The following PRKCI variants were observed in gnomAD, a reference collection of about 807,000 sequenced individuals.
PRKCI encodes protein kinase C iota, also known as protein kinase C iota type.
Under a neutral mutation model 84.0 loss-of-function variants are expected in PRKCI, and 43 were observed. That is an observed-to-expected ratio of 0.51 (90% CI 0.40 to 0.66). The LOEUF (loss-of-function observed/expected upper bound fraction) is 0.66. Ranked by LOEUF, PRKCI falls within the 30% of genes least tolerant of loss-of-function variation. PRKCI has a pLI of 0.00. For missense variants in PRKCI, 459 were observed against 745.6 expected (o/e 0.62, Z 4.48); for synonymous variants, 216 against 234.4 (o/e 0.92, Z 0.72).
chr3:170,288,507 G>A (rs1734458703), intron 12 of PRKCI, among the ~76,000 whole-genome samples: 1 of 152,170 alleles, frequency 6.6e-6, no homozygotes, highest in Non-Finnish European at 1.5e-5. Context: ...CCAGCACTTT[G>A]GGAGGCCAAG....
chr3:170,259,941 A>G, intron 2 of PRKCI, 28 bp from the exon 3 acceptor site: 1 of 1,455,404 alleles, frequency 6.9e-7, no homozygotes, highest in Non-Finnish European at 9.5e-7. Flanking sequence ...TTTTAAAGTG[A>G]CCTTTACTTT....
intron 12 of PRKCI, among the ~76,000 whole-genome samples, chr3:170,289,521 C>G (rs55959235): frequency 1.3e-5 from 2 of 152,086 alleles, no homozygotes; most frequent in Admixed American, 1.3e-4. Flanking sequence ...CGCCTGTAAT[C>G]GCAGCACTTT....
In PRKCI at chr3:170,222,543, G is replaced by GAGGTGGGCAGGT; in HGVS notation, c.-118_-107dup. The GAGGTGGGCAGGT allele has an allele frequency of 6.4e-6, 5 of 781,142 alleles. No individual in the cohort carries two copies. The highest frequency in any genetic ancestry group is 9.5e-6 in the Non-Finnish European group (5 of 527,792). The allele number at this position is 781,142 out of a possible 1,614,324, so 48.4% of individuals were successfully genotyped here. On this transcript the variant is annotated 5_prime_UTR_variant, in exon 1 of 18. Transcript: ENST00000295797. ...CGACCCTTGGGTCGGCGCTGCGGGC[G>GAGGTGGGCAGGT]AGGTGGGCAGGTAGGTGGGCGGACG... is the stretch of plus-strand genomic sequence containing the variant.
Position 170,268,122 on chromosome 3 carries a change from CCTTA to C in PRKCI, c.450+124_450+127del, listed in dbSNP as rs1166977477. ...ACTTTTAAATACATAAGTAGCATGACCTTACATTTCCAGTTTGCCTGAGGCAGTA... is the reference window on the plus strand; with the variant it reads ...ACTTTTAAATACATAAGTAGCATGACCATTTCCAGTTTGCCTGAGGCAGTA... On this transcript the variant is annotated intron_variant, in intron 5 of 17. Transcript: ENST00000295797. 15 of 707,074 alleles carry C rather than the reference CCTTA, an allele frequency of 2.1e-5. No individual in the cohort carries two copies. In the African/African-American group the frequency reaches 2.7e-4, roughly 13 times the overall value. 43.8% of individuals were successfully genotyped at this position (707,074 alleles called of 1,614,324 possible).
Position 170,260,059 on chromosome 3 carries a change from G to C in PRKCI, c.313+1G>C. ...AAGGATTCTGAACTCTTGATTCATG[G>C]TAAGAGAGTAGTCATTTCATACTCG... On this transcript the variant is annotated splice_donor_variant, in intron 3 of 17. Coordinates refer to ENST00000295797, the MANE Select transcript of PRKCI (RefSeq NM_002740.6). LOFTEE classifies it high-confidence loss of function. 6.3e-7 allele frequency: 1 copy of C among 1,586,060 alleles called. No homozygotes were observed. Among genetic ancestry groups the C allele is most frequent in the Non-Finnish European group, 8.6e-7 (1 of 1,158,072 alleles).
chr3:170,281,683 G>A (rs1397198718), intron 10 of PRKCI, 199 bp from the exon 11 acceptor site: 2 of 573,756 alleles, frequency 3.5e-6, no homozygotes, highest in East Asian at 3.3e-5. Flanking sequence ...AGAAGTAGTA[G>A]GTTACAAAAT....
At chr3:170,236,205 A>G (rs1732972115) in intron 2 of PRKCI, among the ~76,000 whole-genome samples, 1 of 151,278 alleles carries the variant, frequency 6.6e-6, no homozygotes, top group African/African-American at 2.4e-5. Flanking sequence ...AGGTTCAAGC[A>G]ATTCTTGTGC....
intron 3 of PRKCI, among the ~76,000 whole-genome samples, chr3:170,260,442 A>G (rs541981850): frequency 1.3e-5 from 2 of 152,264 alleles, no homozygotes; most frequent in South Asian, 4.1e-4. Context: ...TTTTGCTTAA[A>G]GGTTAATAGT....
chr3:170,235,167 G>A, intron 1 of PRKCI, 63 bp from the exon 2 acceptor site: 1 of 1,519,276 alleles, frequency 6.6e-7, no homozygotes, highest in Non-Finnish European at 9.0e-7. Flanking sequence ...CAAGCATTCA[G>A]TAATATATAC....
intron 2 of PRKCI, among the ~76,000 whole-genome samples, chr3:170,238,009 G>A (rs1188916125): frequency 1.3e-5 from 2 of 152,100 alleles, no homozygotes; most frequent in Non-Finnish European, 2.9e-5. Context: ...TGCAGACCTG[G>A]TGGGCATGGG....
intron 12 of PRKCI, among the ~76,000 whole-genome samples, chr3:170,286,577 T>C (rs1353604074): frequency 6.7e-6 from 1 of 149,164 alleles, no homozygotes; most frequent in African/African-American, 2.5e-5. Context: ...TGGGCATATG[T>C]CACTGGTGTG....
chr3:170,295,772 G>T, intron 14 of PRKCI, 139 bp from the exon 15 acceptor site: 1 of 402,264 alleles, frequency 2.5e-6, no homozygotes, highest in Non-Finnish European at 4.5e-6. Context: ...TTAAGCCCGG[G>T]AGGTCAAAGC....
chr3:170,235,412 T>C, intron 2 of PRKCI, 61 bp downstream of exon 2: 1 of 1,568,544 alleles, frequency 6.4e-7, no homozygotes, highest in East Asian at 2.3e-5. Context: ...TATCATTTGT[T>C]GTAAAAATAT....
At chr3:170,258,109 G>A (rs539113447) in intron 2 of PRKCI, among the ~76,000 whole-genome samples, 2 of 152,136 alleles carry the variant, frequency 1.3e-5, no homozygotes, top group South Asian at 4.2e-4. Context: ...GAAAAAAAAG[G>A]AGAGGCACTC....
intron 1 of PRKCI, among the ~76,000 whole-genome samples, chr3:170,226,289 A>C (rs890901568): frequency 1.8e-4 from 27 of 152,300 alleles, no homozygotes; most frequent in Middle Eastern, 3.4e-3. Context: ...TCTTACTTAG[A>C]TGCCTTTCTC....
intron 12 of PRKCI, 83 bp downstream of exon 12, chr3:170,284,679 A>G: frequency 7.1e-7 from 1 of 1,402,424 alleles, no homozygotes; most frequent in Non-Finnish European, 9.7e-7. Context: ...AAAGATGAGG[A>G]AATGATTACT....
chr3:170,272,312 A>G (rs958844791), intron 6 of PRKCI, among the ~76,000 whole-genome samples: 33 of 152,232 alleles, frequency 2.2e-4, no homozygotes, highest in African/African-American at 8.0e-4. Flanking sequence ...ACCTGGATGC[A>G]TCTTTCTAAA....
intron 16 of PRKCI, among the ~76,000 whole-genome samples, chr3:170,297,691 G>C (rs1220010931): frequency 6.6e-6 from 1 of 150,726 alleles, no homozygotes; most frequent in Non-Finnish European, 1.5e-5. Context: ...CCTGACCTCA[G>C]GTGATACACC....
intron 6 of PRKCI, 123 bp downstream of exon 6, chr3:170,270,684 A>G (rs1733981128): frequency 3.3e-6 from 4 of 1,202,322 alleles, no homozygotes; most frequent in Non-Finnish European, 4.5e-6. Context: ...GCTACAGAGT[A>G]TGGGGAGGAA....
Sources: gnomAD v4.1 joint callset for allele counts (sites outside exome capture counted in the v4.1 genomes callset) on GRCh38, gnomAD v4.1.1 for gene constraint, MANE v1.5 for transcripts, NCBI Gene and HGNC (gene_info 2026-07-23, HGNC 2026-07-21) for gene names.